Variants in STXBP5L observed in about 807,000 individuals in gnomAD.
The protein encoded by STXBP5L is syntaxin-binding protein 5-like.
STXBP5L carries 65 observed loss-of-function variants against 144.5 expected under a neutral mutation model. The observed-to-expected ratio is 0.45, with a 90% CI of 0.37 to 0.55. The LOEUF (loss-of-function observed/expected upper bound fraction) is 0.55. STXBP5L is among the 20% of genes least tolerant of loss of function. The pLI is 0.00. For missense variants in STXBP5L, 1,298 were observed against 1,405.5 expected, an observed-to-expected ratio of 0.92 and a Z score of 1.22; for synonymous variants, 505 against 469.6, an observed-to-expected ratio of 1.08 and a Z score of -0.97.
At chr3:121,134,767 A>G (rs1327498649) in intron 7 of STXBP5L, among the ~76,000 whole-genome samples, 2 of 152,134 alleles carry the variant, frequency 1.3e-5, no homozygotes. Context: ...AGTATTCCAT[A>G]GTGTATATGT....
At chr3:121,343,994 A>G (rs182631196) in intron 20 of STXBP5L, among the ~76,000 whole-genome samples, 79 of 152,258 alleles carry the variant, frequency 5.2e-4, no homozygotes, top group African/African-American at 1.8e-3. Context: ...CCGGACTTCT[A>G]ACTATACTAC....
At chr3:120,964,641 T>C (rs918144868) in intron 3 of STXBP5L, among the ~76,000 whole-genome samples, 4 of 152,198 alleles carry the variant, frequency 2.6e-5, no homozygotes, top group Non-Finnish European at 4.4e-5. Context: ...AGAGACAGTT[T>C]GTTGTAATTT....
intron 14 of STXBP5L, among the ~76,000 whole-genome samples, chr3:121,248,358 C>T (rs1424141861): frequency 1.3e-5 from 2 of 152,170 alleles, no homozygotes; most frequent in Admixed American, 6.5e-5. Context: ...GCCACCGTGC[C>T]TGGCCATGTT....
intron 9 of STXBP5L, among the ~76,000 whole-genome samples, chr3:121,187,418 G>T (rs1466760088): frequency 3.0e-5 from 4 of 134,908 alleles, no homozygotes; most frequent in African/African-American, 8.0e-5. Flanking sequence ...GGGGGAGCGG[G>T]GAGGGGGGAG....
chr3:121,187,348 CAA>C (rs1281677964), intron 9 of STXBP5L, among the ~76,000 whole-genome samples: 1 of 134,708 alleles, frequency 7.4e-6, no homozygotes, highest in Non-Finnish European at 1.5e-5. Context: ...GGGAATTGAA[CAA>C]AGAGAACACA....
intron 3 of STXBP5L, among the ~76,000 whole-genome samples, chr3:121,038,579 G>C (rs1215308311): frequency 1.3e-5 from 2 of 151,596 alleles, no homozygotes; most frequent in African/African-American, 4.8e-5. Flanking sequence ...TGCTCTTTTT[G>C]GGTTGTGTGT....
At chr3:121,171,462 C>T (rs1032466579) in intron 9 of STXBP5L, among the ~76,000 whole-genome samples, 4 of 152,226 alleles carry the variant, frequency 2.6e-5, no homozygotes, top group East Asian at 1.9e-4. Context: ...AAAACCCCAT[C>T]GTCTCAGCCC....
At chr3:121,118,350 TAA>T (rs1312570321) in intron 6 of STXBP5L, among the ~76,000 whole-genome samples, 1 of 151,654 alleles carries the variant, frequency 6.6e-6, no homozygotes, top group African/African-American at 2.4e-5. Context: ...GTTAGATGAG[TAA>T]AATACCAGGG....
intron 3 of STXBP5L, among the ~76,000 whole-genome samples, chr3:120,996,601 A>T (rs1269298486): frequency 2.6e-5 from 4 of 152,092 alleles, no homozygotes; most frequent in Non-Finnish European, 4.4e-5. Flanking sequence ...CACTTTAACT[A>T]ATATCTCCCC....
At chr3:121,397,638 A>G (rs1338192052) in intron 22 of STXBP5L, among the ~76,000 whole-genome samples, 1 of 152,212 alleles carries the variant, frequency 6.6e-6, no homozygotes, top group Non-Finnish European at 1.5e-5. Context: ...TTCTAGTCCC[A>G]TACCAGGGAC....
chr3:121,352,996 G>C (rs75815478), intron 20 of STXBP5L, among the ~76,000 whole-genome samples: 1 of 152,088 alleles, frequency 6.6e-6, no homozygotes, highest in African/African-American at 2.4e-5. Flanking sequence ...ATTTATTTGC[G>C]TATGTTGAAC....
At position 121,012,640 on chromosome 3, in the gene STXBP5L, C is replaced by T. The variant is rs571657642; in HGVS notation, c.288-29060C>T. ...TTGTATATTTCCTTTAGAGAAATGT[C>T]GATTTAAATATTTTGCTCAGTTTTA... On this transcript the variant is annotated intron_variant, in intron 3 of 26. Coordinates refer to ENST00000471454, the MANE Select transcript of STXBP5L (RefSeq NM_001308330.2). 9.9e-5 allele frequency among the ~76,000 whole-genome samples: 15 copies of T among 151,408 alleles called. No individual in the cohort carries two copies. In the South Asian group the frequency reaches 3.1e-3, roughly 32 times the overall value.
chr3:121,022,462 T>A (rs1945628608), intron 3 of STXBP5L, among the ~76,000 whole-genome samples: 2 of 151,948 alleles, frequency 1.3e-5, no homozygotes, highest in Admixed American at 1.3e-4. Flanking sequence ...AAATAAAAAG[T>A]AAACTATAGA....
chr3:121,192,027 A>G (rs1182912351), intron 9 of STXBP5L, among the ~76,000 whole-genome samples: 2 of 152,144 alleles, frequency 1.3e-5, no homozygotes, highest in African/African-American at 2.4e-5. Flanking sequence ...GCACACCAAC[A>G]TGGCACATGT....
At chr3:121,128,022 C>G (rs769613860) in intron 7 of STXBP5L, among the ~76,000 whole-genome samples, 15 of 152,008 alleles carry the variant, frequency 9.9e-5, no homozygotes, top group Admixed American at 8.5e-4. Context: ...AACACAGAAG[C>G]ATAAATCTTC....
chr3:121,190,976 A>G (rs561356367), intron 9 of STXBP5L, among the ~76,000 whole-genome samples: 175 of 150,598 alleles, frequency 1.2e-3, no homozygotes, highest in Non-Finnish European at 2.1e-3. Flanking sequence ...CACATCCCAG[A>G]CGATGGGCGG....
chr3:120,912,431 A>G (rs541714724), intron 2 of STXBP5L, among the ~76,000 whole-genome samples: 1 of 152,114 alleles, frequency 6.6e-6, no homozygotes, highest in African/African-American at 2.4e-5. Flanking sequence ...AGAATAAATT[A>G]TACAGCCAAT....
intron 15 of STXBP5L, 94 bp from the exon 16 acceptor site, chr3:121,254,801 A>C: frequency 9.1e-7 from 1 of 1,103,388 alleles, no homozygotes; most frequent in Non-Finnish European, 1.3e-6. Flanking sequence ...ACTTAGGTTT[A>C]CTTTTGTTGT....
At chr3:121,213,567 T>G (rs1246709919) in intron 10 of STXBP5L, among the ~76,000 whole-genome samples, 1 of 152,218 alleles carries the variant, frequency 6.6e-6, no homozygotes, top group Non-Finnish European at 1.5e-5. Flanking sequence ...GAAGCCAACT[T>G]GATCGTGGTG....
Sources: gnomAD v4.1 joint callset for allele counts (sites outside exome capture counted in the v4.1 genomes callset) on GRCh38, gnomAD v4.1.1 for gene constraint, MANE v1.5 for transcripts, NCBI Gene and HGNC (gene_info 2026-07-23, HGNC 2026-07-21) for gene names.